Variants in NUP153 observed in about 807,000 individuals in gnomAD.
The protein encoded by NUP153 is nucleoporin 153, also known as nuclear pore complex protein Nup153.
In NUP153, 27 loss-of-function variants were observed where a neutral mutation model predicts 134.6. The ratio of observed to expected loss-of-function variants is 0.20; its 90% CI spans 0.15 to 0.28. NUP153 has a LOEUF of 0.28. Among genes scored for constraint, NUP153 ranks in the 10% least tolerant of loss-of-function variants. The pLI, the probability that NUP153 is intolerant of heterozygous loss-of-function variation, is 1.00. For synonymous variants in NUP153, 640 were observed against 623.5 expected (o/e 1.03, Z -0.40); for missense variants, 1,821 against 1,731.3 (o/e 1.05, Z -0.92).
At chr6:17,630,221 A>T (rs76328297) in intron 17 of NUP153, among the ~76,000 whole-genome samples, 2,954 of 152,322 alleles carry the variant, frequency 0.019, 94 homozygotes, top group African/African-American at 0.067. Context: ...AGGTGGAAAA[A>T]GAGACAATGG....
intron 1 of NUP153, among the ~76,000 whole-genome samples, chr6:17,696,507 G>T (rs1385181371): frequency 6.6e-6 from 1 of 152,176 alleles, no homozygotes; most frequent in African/African-American, 2.4e-5. Flanking sequence ...TGTAATCCCA[G>T]TACTTTGAGA....
At chr6:17,683,868 T>C (rs1768758595) in intron 2 of NUP153, among the ~76,000 whole-genome samples, 2 of 152,176 alleles carry the variant, frequency 1.3e-5, no homozygotes, top group South Asian at 4.1e-4. Flanking sequence ...ATAGTTTAGA[T>C]GTTTGTCCCT....
chr6:17,624,697 A>C lies in NUP153; in HGVS notation c.4038T>G (p.Ser1346=), dbSNP rs760414084. Residue 1346 remains serine (S), a synonymous_variant, in exon 20 of 22, where the codon TCT becomes TCG. Coordinates refer to ENST00000262077, the MANE Select transcript of NUP153 (RefSeq NM_005124.4). ...PNPPGFGSIS[S]STALFPTGSQ... ...AACCAGTGGGAAATAATGCTGTGGA[A>C]GATGATATAGATCCAAAGCCTGGGG... The C allele has an allele frequency of 6.2e-7, 1 of 1,614,062 alleles. No homozygotes were observed. Among genetic ancestry groups the C allele is most frequent in the Non-Finnish European group, 8.5e-7 (1 of 1,180,034 alleles).
intron 14 of NUP153, among the ~76,000 whole-genome samples, chr6:17,645,758 TA>T (rs1766134670): frequency 1.3e-5 from 2 of 152,332 alleles, no homozygotes; most frequent in South Asian, 4.1e-4. Flanking sequence ...AAATTTCTTA[TA>T]ATGAGACTTG....
Position 17,626,124 on chromosome 6 carries a change from G to A in NUP153, c.3585C>T (p.Asn1195=), listed in dbSNP as rs1295417035. ...CTGGTGTACTTGAACTAGAGGAACT[G>A]TTGTTCAAGAAACTAAAAACTGGCT... ...AAKPVFSFLN[N]SSSSSSTPAT... is the part of the protein sequence containing the mutation. The change falls in exon 19 of 22, where the codon AAC becomes AAT. Residue 1195 remains asparagine (N), a synonymous_variant. Coordinates refer to ENST00000262077, the MANE Select transcript of NUP153 (RefSeq NM_005124.4). 7 of 1,613,234 alleles carry A rather than the reference G, an allele frequency of 4.3e-6. No individual in the cohort carries two copies. The highest frequency in any genetic ancestry group is 5.1e-6 in the Non-Finnish European group (6 of 1,179,976).
At chr6:17,632,926 C>T in intron 16 of NUP153, 82 bp from the exon 17 acceptor site, 4 of 1,017,164 alleles carry the variant, frequency 3.9e-6, no homozygotes, top group Non-Finnish European at 5.5e-6. Context: ...CTTAATGGCA[C>T]TGCTAAGTTT....
chr6:17,621,151 A>G (rs1764624018), intron 20 of NUP153, among the ~76,000 whole-genome samples: 1 of 152,234 alleles, frequency 6.6e-6, no homozygotes. Context: ...AATGCAAATC[A>G]AAACCACAAT....
At chr6:17,649,374 A>C in intron 11 of NUP153, 74 bp from the exon 12 acceptor site, 1 of 1,402,476 alleles carries the variant, frequency 7.1e-7, no homozygotes, top group South Asian at 1.3e-5. Flanking sequence ...TTTCAGCATG[A>C]AAGTATACAG....
rs564542108 is a variant in NUP153, at chr6:17,617,553, G to T, written c.4175-858C>A. Among the ~76,000 whole-genome samples the T allele has an allele frequency of 2.6e-5, 4 of 151,918 alleles. No individual in the cohort carries two copies. The South Asian group carries it at 8.3e-4, about 32-fold the overall frequency. ...CCCTCCCAACACCAACACAAAGATGGTAATTATCAGTGGGTGCAGTGACTC... is the reference window on the plus strand; with the variant it reads ...CCCTCCCAACACCAACACAAAGATGTTAATTATCAGTGGGTGCAGTGACTC... On this transcript the variant is annotated intron_variant, in intron 20 of 21. Coordinates refer to ENST00000262077, the MANE Select transcript of NUP153 (RefSeq NM_005124.4).
At chr6:17,685,862 A>T (rs76204717) in intron 2 of NUP153, among the ~76,000 whole-genome samples, 2 of 151,902 alleles carry the variant, frequency 1.3e-5, no homozygotes, top group African/African-American at 2.4e-5. Context: ...AAAAAAAAAA[A>T]TTGACTCACA....
At chr6:17,670,227 A>G (rs995855946) in intron 5 of NUP153, among the ~76,000 whole-genome samples, 6 of 152,126 alleles carry the variant, frequency 3.9e-5, no homozygotes, top group African/African-American at 9.7e-5. Context: ...ACACTCAGAA[A>G]TAAGTCTCAT....
rs1765071121 is a variant in NUP153, at chr6:17,628,677, T to G, written c.3522A>C (p.Gly1174=). ...EQPAKATFAF[G]AQTSTTADQG... is the part of the protein sequence containing the mutation. ...TACCAGCTGTAGTACTAGTTTGAGC[T>G]CCAAAGGCAAAAGTGGCTTTTGCTG... Residue 1174 remains glycine, a synonymous_variant, in exon 18 of 22, where the codon GGA becomes GGC. Coordinates refer to ENST00000262077, the MANE Select transcript of NUP153 (RefSeq NM_005124.4). This position sits in a 1 kb window ranked among gnomAD's most constrained non-coding sequence, Gnocchi z 5.4. 1 of 1,605,098 alleles carries G rather than the reference T, an allele frequency of 6.2e-7. No homozygotes were observed. Among genetic ancestry groups the G allele is most frequent in the Admixed American group, 1.7e-5 (1 of 59,260 alleles).
At chr6:17,617,083 C>A (rs142121080) in intron 20 of NUP153, among the ~76,000 whole-genome samples, 83 of 152,278 alleles carry the variant, frequency 5.5e-4, no homozygotes, top group East Asian at 1.5e-3. Context: ...AAGACTCTGA[C>A]CTTTACATAT....
chr6:17,624,537 C>G, intron 20 of NUP153, 24 bp downstream of exon 20: 1 of 1,610,088 alleles, frequency 6.2e-7, no homozygotes, highest in East Asian at 2.2e-5. Flanking sequence ...CATACAGATA[C>G]TAACAGCATC....
At chr6:17,649,125 G>A in intron 12 of NUP153, 38 bp downstream of exon 12, 2 of 1,541,966 alleles carry the variant, frequency 1.3e-6, no homozygotes, top group South Asian at 2.4e-5. Context: ...AATTAAGAAA[G>A]AACAAATGTC....
In NUP153 at chr6:17,625,754, A is replaced by G; in HGVS notation, c.3901+54T>C. Reference sequence around the variant, plus strand: ...TATGATATTCGCTAAGAACTGACACACTAATAAGTAAAGTCCATCCAATTA... The same window carrying G: ...TATGATATTCGCTAAGAACTGACACGCTAATAAGTAAAGTCCATCCAATTA... On this transcript the variant is annotated intron_variant, in intron 19 of 21. Transcript: ENST00000262077. The surrounding 1 kb of genome is among the most constrained non-coding windows in gnomAD (Gnocchi z 4.7). 2.3e-6 allele frequency: 3 copies of G among 1,329,536 alleles called. No homozygotes were observed. The highest frequency in any genetic ancestry group is 2.3e-5 in the East Asian group (1 of 43,336). The allele number at this position is 1,329,536 out of a possible 1,614,324, so 82.4% of individuals were successfully genotyped here. A position where few individuals can be genotyped will look rare whatever the true frequency, so the allele number is the denominator to read the frequency against.
intron 14 of NUP153, among the ~76,000 whole-genome samples, chr6:17,640,633 CAG>C (rs1335785557): frequency 1.3e-5 from 2 of 152,156 alleles, no homozygotes; most frequent in African/African-American, 4.8e-5. Context: ...TTTTTCAAAA[CAG>C]AGAGTGAGTG....
intron 17 of NUP153, among the ~76,000 whole-genome samples, chr6:17,631,763 G>T (rs912736808): frequency 6.6e-6 from 1 of 152,056 alleles, no homozygotes; most frequent in Non-Finnish European, 1.5e-5. Flanking sequence ...TCAGGAGATT[G>T]AGACCATCCT....
intron 17 of NUP153, among the ~76,000 whole-genome samples, chr6:17,631,593 ATCTG>A (rs1227137268): frequency 1.2e-4 from 18 of 152,248 alleles, no homozygotes; most frequent in Non-Finnish European, 2.5e-4. Flanking sequence ...AAGATGAAAT[ATCTG>A]TCTGAGTTGT....
Sources: gnomAD v4.1 joint callset for allele counts (sites outside exome capture counted in the v4.1 genomes callset) on GRCh38, gnomAD v4.1.1 for gene constraint, Gnocchi (gnomAD v3.1) non-coding constraint, MANE v1.5 for transcripts, NCBI Gene and HGNC (gene_info 2026-07-23, HGNC 2026-07-21) for gene names.